The following VWA3B variants were observed in gnomAD, a reference collection of about 807,000 sequenced individuals.
VWA3B encodes von Willebrand factor A domain-containing protein 3B.
Under a neutral mutation model 158.3 loss-of-function variants are expected in VWA3B, and 138 were observed. The ratio of observed to expected loss-of-function variants is 0.87; its 90% confidence interval spans 0.76 to 1.00. VWA3B has a LOEUF of 1.00. VWA3B is among the 50% of genes least tolerant of loss of function. VWA3B has a pLI of 0.00. For missense variants in VWA3B, 1,555 were observed against 1,565.1 expected, an observed-to-expected ratio of 0.99 and a Z score of 0.11; for synonymous variants, 596 against 587.3, an observed-to-expected ratio of 1.01 and a Z score of -0.21.
chr2:98,171,292 A>G (rs993638650), intron 8 of VWA3B, among the ~76,000 whole-genome samples: 9 of 152,148 alleles, frequency 5.9e-5, no homozygotes, highest in Non-Finnish European at 1.2e-4. Flanking sequence ...CAAATGGGGT[A>G]TTTACGATTG....
At chr2:98,088,474 C>T (rs186911563) in intron 1 of VWA3B, among the ~76,000 whole-genome samples, 1 of 152,274 alleles carries the variant, frequency 6.6e-6, no homozygotes, top group East Asian at 1.9e-4. Flanking sequence ...TCTATTTTCC[C>T]CAAAGCTTTG....
chr2:98,309,094 C>T (rs1180393812), intron 26 of VWA3B, among the ~76,000 whole-genome samples: 1 of 148,614 alleles, frequency 6.7e-6, no homozygotes, highest in Admixed American at 6.7e-5. Context: ...CACTTGAACC[C>T]AGGAGGTAGA....
At chr2:98,164,761 C>T (rs910549270) in intron 8 of VWA3B, among the ~76,000 whole-genome samples, 1 of 152,096 alleles carries the variant, frequency 6.6e-6, no homozygotes, top group Non-Finnish European at 1.5e-5. Context: ...GGGTTCCAGC[C>T]CCACAACTGC....
At chr2:98,254,976 C>A (rs1302700322) in intron 20 of VWA3B, among the ~76,000 whole-genome samples, 1 of 152,056 alleles carries the variant, frequency 6.6e-6, no homozygotes, top group Non-Finnish European at 1.5e-5. Flanking sequence ...CAGTAGCATT[C>A]TCCTACCTCA....
chr2:98,228,008 T>C (rs1188872872), intron 14 of VWA3B, among the ~76,000 whole-genome samples, 194 bp from the exon 15 acceptor site: 1 of 152,224 alleles, frequency 6.6e-6, no homozygotes, highest in Admixed American at 6.5e-5. Context: ...TTAGAAATGT[T>C]TGACATTTTC....
the VWA3B span, among the ~76,000 whole-genome samples, chr2:98,330,509 C>G: frequency 6.6e-6 from 1 of 152,206 alleles, no homozygotes; most frequent in Non-Finnish European, 1.5e-5. Flanking sequence ...TTCTTAAGGT[C>G]CATCTGGTGC....
intron 21 of VWA3B, among the ~76,000 whole-genome samples, chr2:98,267,386 C>T (rs996890387): frequency 2.0e-5 from 3 of 152,060 alleles, no homozygotes; most frequent in African/African-American, 7.3e-5. Flanking sequence ...CCTTGCATCT[C>T]ACTCAAAACC....
intron 9 of VWA3B, among the ~76,000 whole-genome samples, chr2:98,183,440 A>T (rs150925188): frequency 6.6e-6 from 1 of 152,300 alleles, no homozygotes; most frequent in East Asian, 1.9e-4. Context: ...TAACACAGAA[A>T]TGAATGGCTA....
At chr2:98,147,625 A>G (rs1284271821) in intron 7 of VWA3B, among the ~76,000 whole-genome samples, 1 of 152,104 alleles carries the variant, frequency 6.6e-6, no homozygotes, top group Non-Finnish European at 1.5e-5. Flanking sequence ...CCTATTAGAT[A>G]TTTGGGTAAT....
At chr2:98,101,531 G>A (rs1683071790) in intron 2 of VWA3B, among the ~76,000 whole-genome samples, 1 of 152,184 alleles carries the variant, frequency 6.6e-6, no homozygotes, top group East Asian at 1.9e-4. Context: ...TATTTATTGA[G>A]CAACCATTAA....
the VWA3B span, among the ~76,000 whole-genome samples, chr2:98,322,062 C>T: frequency 1.3e-5 from 2 of 152,170 alleles, no homozygotes; most frequent in Non-Finnish European, 2.9e-5. Context: ...TAAGTCATGC[C>T]TTTTTTCCTC....
Position 98,300,119 on chromosome 2 carries a change from G to A in VWA3B, c.3323G>A (p.Gly1108Glu), listed in dbSNP as rs755901737. 6.2e-7 allele frequency: 1 copy of A among 1,614,206 alleles called. No homozygotes were observed. The highest frequency in any genetic ancestry group is 8.5e-7 in the Non-Finnish European group (1 of 1,180,040). The change falls in exon 25 of 28, where the codon GGA becomes GAA. Residue 1108 changes from glycine to glutamate, a missense_variant. Gly to Glu is a moderately conservative substitution (Grantham distance 98). Coordinates refer to ENST00000477737, the MANE Select transcript of VWA3B (RefSeq NM_144992.5). ...TTTGCCAAAATTGTGATACCCAAAG[G>A]ATTTGACTTCTATGTCCCTGCCATT... ...YVFAKIVIPKGFDFYVPAIVI... is the reference protein window; with the variant it reads ...YVFAKIVIPKEFDFYVPAIVI...
At chr2:98,228,654 G>A (rs565885449) in intron 15 of VWA3B, among the ~76,000 whole-genome samples, 7 of 152,202 alleles carry the variant, frequency 4.6e-5, no homozygotes, top group South Asian at 2.1e-4. Context: ...TCAGGAGGCC[G>A]AGGCCTGGAC....
At chr2:98,296,591 A>G (rs969094148) in intron 23 of VWA3B, among the ~76,000 whole-genome samples, 2 of 152,240 alleles carry the variant, frequency 1.3e-5, no homozygotes, top group Non-Finnish European at 2.9e-5. Flanking sequence ...TCTTTGCCCC[A>G]TGAGAGGACA....
At chr2:98,274,883 A>G (rs1206628972) in intron 22 of VWA3B, among the ~76,000 whole-genome samples, 1 of 152,204 alleles carries the variant, frequency 6.6e-6, no homozygotes, top group Non-Finnish European at 1.5e-5. Context: ...AAAGTAGGCC[A>G]TGTGGGGCAA....
chr2:98,284,638 G>A (rs1689062956), intron 22 of VWA3B, among the ~76,000 whole-genome samples: 1 of 152,114 alleles, frequency 6.6e-6, no homozygotes, highest in South Asian at 2.1e-4. Context: ...CTATATCACT[G>A]CAAAAAGGTG....
the VWA3B span, among the ~76,000 whole-genome samples, chr2:98,327,707 G>A: frequency 6.6e-6 from 1 of 152,154 alleles, no homozygotes; most frequent in Non-Finnish European, 1.5e-5. Context: ...CAACCTCTGT[G>A]TGTTGGTCTC....
chr2:98,113,716 A>G (rs557183703), intron 2 of VWA3B, among the ~76,000 whole-genome samples: 4 of 152,238 alleles, frequency 2.6e-5, no homozygotes, highest in South Asian at 2.1e-4. Context: ...AACTTTCTCT[A>G]TAGATTTGCT....
rs143420094 is a variant in VWA3B at position 98,199,170 on chromosome 2, G to A, written c.1737+4678G>A. ...GTCCAACTTATTTCATGAATCAAGA[G>A]TTTATTCCCTTTTATTGATAAGTAG... On this transcript the variant is annotated intron_variant, in intron 12 of 27. Transcript: ENST00000477737. Among the ~76,000 whole-genome samples the A allele has an allele frequency of 2.6e-5, 4 of 152,200 alleles. No individual in the cohort carries two copies. In the East Asian group the frequency reaches 5.8e-4, roughly 22 times the overall value.
Sources: allele counts gnomAD v4.1 joint callset (sites outside exome capture counted in the v4.1 genomes callset), GRCh38; gene constraint gnomAD v4.1.1; transcripts MANE v1.5; gene names NCBI Gene and HGNC (gene_info 2026-07-23, HGNC 2026-07-21).